SLK: variants seen among roughly 807,000 people sequenced by gnomAD.
SLK encodes STE20 like kinase, also known as STE20-like serine/threonine-protein kinase.
SLK carries 67 observed loss-of-function variants against 147.7 expected under a neutral mutation model. The observed-to-expected ratio is 0.45, with a 90% CI of 0.37 to 0.56. SLK has a LOEUF of 0.56. SLK is among the 20% of genes least tolerant of loss of function. The pLI is 0.00. For missense variants in SLK, 1,136 were observed against 1,438.8 expected, an observed-to-expected ratio of 0.79 and a Z score of 3.41; for synonymous variants, 441 against 475.0, an observed-to-expected ratio of 0.93 and a Z score of 0.93.
intron 1 of SLK, among the ~76,000 whole-genome samples, chr10:103,971,251 T>C (rs1843787876): frequency 1.9e-5 from 1 of 52,942 alleles, no homozygotes; most frequent in Non-Finnish European, 4.7e-5. Context: ...TGGGTTTCTC[T>C]TTTTTTGTTG....
intron 1 of SLK, among the ~76,000 whole-genome samples, chr10:103,972,400 C>T (rs1463960495): frequency 1.3e-5 from 2 of 152,194 alleles, no homozygotes; most frequent in Non-Finnish European, 1.5e-5. Context: ...CTGCCAGGCG[C>T]GGTGGCTCAT....
chr10:103,971,916 A>G (rs1843798432), intron 1 of SLK, among the ~76,000 whole-genome samples: 1 of 152,220 alleles, frequency 6.6e-6, no homozygotes, highest in Admixed American at 6.5e-5. Context: ...CCCTAAAGGA[A>G]ACCACTATCC....
intron 15 of SLK, among the ~76,000 whole-genome samples, chr10:104,019,452 T>C (rs1844506067): frequency 6.6e-6 from 1 of 152,032 alleles, no homozygotes; most frequent in South Asian, 2.1e-4. Context: ...AAATTTTGTG[T>C]GTGGAGACAG....
intron 9 of SLK, among the ~76,000 whole-genome samples, chr10:104,004,220 GAC>G (rs893575490): frequency 4.6e-5 from 7 of 152,262 alleles, no homozygotes; most frequent in African/African-American, 1.4e-4. Flanking sequence ...TAAGAAAACT[GAC>G]ATAGATGGAT....
At position 104,020,530 on chromosome 10, in the gene SLK, G is replaced by T. The variant is rs748660703; in HGVS notation, c.3364G>T (p.Ala1122Ser). Residue 1122 changes from alanine (A) to serine (S), a missense_variant, in exon 17 of 19, where the codon GCT becomes TCT. Ala to Ser is a moderately conservative substitution (Grantham distance 99). Coordinates refer to ENST00000369755, the MANE Select transcript of SLK (RefSeq NM_014720.4). Reference sequence around the variant, plus strand: ...AAAGAGGCAGAAAAATGAGAGAATGGCTCAGCATCAGAAACATGAGAATCA... The same window carrying T: ...AAAGAGGCAGAAAAATGAGAGAATGTCTCAGCATCAGAAACATGAGAATCA... ...EEKRQKNERM[A>S]QHQKHENQMR... 4.3e-6 allele frequency: 7 copies of T among 1,613,626 alleles called. No individual in the cohort carries two copies. In the South Asian group the frequency reaches 7.7e-5, roughly 18 times the overall value.
chr10:103,995,771 A>G lies in SLK; in HGVS notation c.514+2638A>G, dbSNP rs1844163125. ...AAGCCCTGGTTTCTTTTAGTAGAATATAGTATTTCAAGACCACAGTCTGGT... is the reference window on the plus strand; with the variant it reads ...AAGCCCTGGTTTCTTTTAGTAGAATGTAGTATTTCAAGACCACAGTCTGGT... On this transcript the variant is annotated intron_variant, in intron 4 of 18. Coordinates refer to ENST00000369755, the MANE Select transcript of SLK (RefSeq NM_014720.4). 2.0e-5 allele frequency among the ~76,000 whole-genome samples: 3 copies of G among 152,254 alleles called. No homozygotes were observed. In the South Asian group the frequency reaches 6.2e-4, roughly 32 times the overall value.
At position 104,002,298 on chromosome 10, in the gene SLK, G is replaced by GATA. The variant is rs767850991; in HGVS notation, c.1122_1124dup (p.Asp374_Lys375insAsn). The GATA allele has an allele frequency of 7.4e-6, 12 of 1,613,852 alleles. No individual in the cohort carries two copies. The South Asian group carries it at 1.2e-4, about 16-fold the overall frequency. On this transcript the variant is annotated inframe_insertion, in exon 9 of 19. Coordinates refer to ENST00000369755, the MANE Select transcript of SLK (RefSeq NM_014720.4). ...AAAAACAGAACGTAGTAACTCTGAA[G>GATA]ATAAACTCAACAGCAAAATTCTTAA...
Position 104,003,106 on chromosome 10 carries a change from C to T in SLK, c.1928C>T (p.Thr643Ile). The T allele has an allele frequency of 2.5e-6, 4 of 1,614,120 alleles. No homozygotes were observed. Among genetic ancestry groups the T allele is most frequent in the Non-Finnish European group, 2.5e-6 (3 of 1,180,012 alleles). ...GGAACAACTGAAGGTGAAGAAATCACTGAGTCAAGTAGCACTGAAGAAATG... is the reference window on the plus strand; with the variant it reads ...GGAACAACTGAAGGTGAAGAAATCATTGAGTCAAGTAGCACTGAAGAAATG... ...EPGTTEGEEITESSSTEEMEV... is the reference protein window; with the variant it reads ...EPGTTEGEEIIESSSTEEMEV... Residue 643 changes from threonine (T) to isoleucine (I), a missense_variant, in exon 9 of 19, where the codon ACT (threonine) becomes ATT (isoleucine). This residue lies in a region of SLK where 516 missense variants were observed against 531.3 expected (regional missense o/e 0.97). Coordinates refer to ENST00000369755, the MANE Select transcript of SLK (RefSeq NM_014720.4).
At chr10:104,007,239 C>T (rs1420653022) in intron 11 of SLK, among the ~76,000 whole-genome samples, 3 of 151,920 alleles carry the variant, frequency 2.0e-5, no homozygotes, top group Non-Finnish European at 2.9e-5. Context: ...TCTGATTTGC[C>T]TTACTACTTC....
intron 9 of SLK, among the ~76,000 whole-genome samples, 175 bp downstream of exon 9, chr10:104,003,702 T>G (rs1022068799): frequency 5.3e-5 from 8 of 152,214 alleles, no homozygotes; most frequent in African/African-American, 1.7e-4. Context: ...GTGGATCTAA[T>G]CTTTAAATTT....
At chr10:104,009,419 A>G (rs1844371109) in intron 12 of SLK, among the ~76,000 whole-genome samples, 1 of 152,186 alleles carries the variant, frequency 6.6e-6, no homozygotes, top group Non-Finnish European at 1.5e-5. Context: ...GGTAGAGTCA[A>G]ACATTAATAA....
At chr10:104,000,091 A>C in intron 7 of SLK, 143 bp downstream of exon 7, 1 of 459,566 alleles carries the variant, frequency 2.2e-6, no homozygotes, top group South Asian at 5.5e-5. Context: ...TACAAAATAA[A>C]TGCTGCTGTT....
rs576873142 is a variant in SLK, at chr10:103,984,748, A to G, written c.151-5927A>G. 7.2e-5 allele frequency among the ~76,000 whole-genome samples: 11 copies of G among 152,290 alleles called. No homozygotes were observed. The East Asian group carries it at 1.9e-3, about 27-fold the overall frequency. ...TTCTTATTAGTTTACTTTTTCCCACAGTACTAATTGCTAATATACTGATTT... is the reference window on the plus strand; with the variant it reads ...TTCTTATTAGTTTACTTTTTCCCACGGTACTAATTGCTAATATACTGATTT... On this transcript the variant is annotated intron_variant, in intron 1 of 18. Transcript: ENST00000369755.
intron 13 of SLK, among the ~76,000 whole-genome samples, chr10:104,016,142 C>T (rs1844461026): frequency 6.6e-6 from 1 of 151,986 alleles, no homozygotes; most frequent in Non-Finnish European, 1.5e-5. Flanking sequence ...CACGGTGAAA[C>T]CCCGTCTCTA....
intron 17 of SLK, 26 bp from the exon 18 acceptor site, chr10:104,021,594 T>G: frequency 7.1e-7 from 1 of 1,404,544 alleles, no homozygotes; most frequent in Non-Finnish European, 9.9e-7. Context: ...ATCTGAAATT[T>G]TTTTAAATCC....
intron 13 of SLK, among the ~76,000 whole-genome samples, chr10:104,015,176 T>C (rs899966869): frequency 3.9e-5 from 6 of 152,162 alleles, no homozygotes; most frequent in African/African-American, 1.4e-4. Flanking sequence ...GTCATCCAGA[T>C]TCTGCTTAAT....
chr10:104,012,741 CTCG>C (rs1388706107), intron 13 of SLK, among the ~76,000 whole-genome samples: 1 of 152,164 alleles, frequency 6.6e-6, no homozygotes, highest in Admixed American at 6.5e-5. Context: ...AACTTAAACT[CTCG>C]TCAGCTTGAC....
chr10:104,020,752 G>A, intron 17 of SLK, 139 bp downstream of exon 17: 1 of 811,280 alleles, frequency 1.2e-6, no homozygotes, highest in Non-Finnish European at 1.9e-6. Context: ...TTTTTGTACA[G>A]ATCCAAATGA....
At chr10:104,018,030 T>C (rs1237372147) in intron 13 of SLK, 130 bp from the exon 14 acceptor site, 2 of 666,378 alleles carry the variant, frequency 3.0e-6, no homozygotes, top group Admixed American at 7.0e-5. Context: ...TTTTAGTGAT[T>C]TTAAAATCCA....
Sources: gnomAD v4.1 joint callset for allele counts (sites outside exome capture counted in the v4.1 genomes callset) on GRCh38, gnomAD v4.1.1 for gene constraint, gnomAD v4.1.1 regional missense constraint, MANE v1.5 for transcripts, NCBI Gene and HGNC (gene_info 2026-07-23, HGNC 2026-07-21) for gene names.